Variants in RTN1 observed in about 807,000 individuals in gnomAD.
RTN1 encodes the protein reticulon 1, also known as reticulon-1.
In RTN1, 25 loss-of-function variants were observed where a neutral mutation model predicts 65.5. The observed-to-expected ratio is 0.38, with a 90% CI of 0.28 to 0.53. The LOEUF is 0.53. Ranked by LOEUF, RTN1 falls within the 20% of genes least tolerant of loss-of-function variation. RTN1 has a pLI of 0.79. For synonymous variants in RTN1, 471 were observed against 447.6 expected (o/e 1.05, Z -0.66); for missense variants, 983 against 1,025.4 (o/e 0.96, Z 0.57).
chr14:59,651,091 A>C (rs1172577759), intron 3 of RTN1, among the ~76,000 whole-genome samples: 2 of 152,184 alleles, frequency 1.3e-5, no homozygotes, highest in African/African-American at 4.8e-5. Flanking sequence ...AATCACAAGC[A>C]AAAAGGACAA....
chr14:59,621,171 T>C (rs149791731), intron 3 of RTN1, among the ~76,000 whole-genome samples: 31 of 152,340 alleles, frequency 2.0e-4, no homozygotes, highest in Non-Finnish European at 3.7e-4. Context: ...TGAATAAAGT[T>C]TCCTTAGAAC....
At chr14:59,795,139 G>A (rs1886417101) in intron 1 of RTN1, among the ~76,000 whole-genome samples, 1 of 152,102 alleles carries the variant, frequency 6.6e-6, no homozygotes, top group Non-Finnish European at 1.5e-5. Context: ...ACCAGCTGAA[G>A]TTCAAACTCT....
In RTN1 at chr14:59,749,146, C is replaced by A. The variant is rs556368834; in HGVS notation, c.242-2665G>T. On this transcript the variant is annotated intron_variant, in intron 1 of 8. Transcript: ENST00000267484. ...TATAGATATATCTATATCTATCTATCTATCTATCTATATCTATCTATATAT... is the reference window on the plus strand; with the variant it reads ...TATAGATATATCTATATCTATCTATATATCTATCTATATCTATCTATATAT... Among the ~76,000 whole-genome samples the A allele has an allele frequency of 6.4e-5, 7 of 108,812 alleles. 1 individual carries two copies. The highest frequency in any genetic ancestry group is 2.2e-4 in the Admixed American group (2 of 9,280). 71.4% of individuals were successfully genotyped at this position (108,812 alleles called of 152,430 possible).
rs1383724598 is a variant in RTN1 at position 59,596,636 on chromosome 14, G to T, written c.*109C>A. ...TTTAAGGTTTGTCTCTAAGATTATG[G>T]TACTGGAGGGAGGGGGGAAAGACAA... On this transcript the variant is annotated 3_prime_UTR_variant, in exon 9 of 9. Transcript: ENST00000267484. The T allele has an allele frequency of 5.9e-6, 5 of 853,884 alleles. No individual in the cohort carries two copies. The South Asian group carries it at 6.8e-5, about 12-fold the overall frequency. 52.9% of individuals were successfully genotyped at this position (853,884 alleles called of 1,614,324 possible).
Position 59,815,410 on chromosome 14 carries a change from C to T in RTN1, c.241+54980G>A, listed in dbSNP as rs544609349. On this transcript the variant is annotated intron_variant, in intron 1 of 8. Coordinates refer to ENST00000267484, the MANE Select transcript of RTN1 (RefSeq NM_021136.3). The stretch of plus-strand genomic sequence containing the variant: ...TCACTTCACTGCTCATCCCCTTTCC[C>T]TCTCATGCTTAAATCTCTCCCAGAC... 2.0e-5 allele frequency among the ~76,000 whole-genome samples: 3 copies of T among 152,268 alleles called. No individual in the cohort carries two copies. In the East Asian group the frequency reaches 5.8e-4, roughly 29 times the overall value.
chr14:59,853,623 G>A (rs1375173775), intron 1 of RTN1, among the ~76,000 whole-genome samples: 3 of 152,146 alleles, frequency 2.0e-5, no homozygotes, highest in Non-Finnish European at 4.4e-5. Flanking sequence ...GTTGAAACAA[G>A]TATTCCCAGC....
chr14:59,657,073 C>T (rs1424583273), intron 3 of RTN1, among the ~76,000 whole-genome samples: 1 of 151,930 alleles, frequency 6.6e-6, no homozygotes, highest in Non-Finnish European at 1.5e-5. Flanking sequence ...CCACAAATAG[C>T]TGGAAAAAGG....
At chr14:59,823,600 C>T (rs1886981007) in intron 1 of RTN1, among the ~76,000 whole-genome samples, 1 of 152,156 alleles carries the variant, frequency 6.6e-6, no homozygotes, top group Admixed American at 6.5e-5. Flanking sequence ...ATATAGGCCC[C>T]CCATCTCTTC....
At chr14:59,735,995 G>T (rs948893767) in intron 2 of RTN1, among the ~76,000 whole-genome samples, 1 of 152,146 alleles carries the variant, frequency 6.6e-6, no homozygotes, top group African/African-American at 2.4e-5. Flanking sequence ...AAACTAATGA[G>T]AGCAAAGAGA....
At chr14:59,598,958 C>T (rs1036717993) in intron 8 of RTN1, among the ~76,000 whole-genome samples, 5 of 152,192 alleles carry the variant, frequency 3.3e-5, no homozygotes, top group African/African-American at 1.2e-4. Flanking sequence ...TGTATTAATG[C>T]ATCTGTTAAA....
chr14:59,785,573 T>C (rs993757421), intron 1 of RTN1, among the ~76,000 whole-genome samples: 7 of 152,224 alleles, frequency 4.6e-5, no homozygotes, highest in African/African-American at 1.7e-4. Context: ...GGCTTGCATA[T>C]CAAATGGCAA....
chr14:59,636,609 A>G (rs1213412187), intron 3 of RTN1, among the ~76,000 whole-genome samples: 2 of 152,224 alleles, frequency 1.3e-5, no homozygotes, highest in Non-Finnish European at 2.9e-5. Context: ...ACCTTGCTAA[A>G]TTTACTTATT....
At chr14:59,761,317 G>A (rs1209244084) in intron 1 of RTN1, among the ~76,000 whole-genome samples, 2 of 152,136 alleles carry the variant, frequency 1.3e-5, no homozygotes, top group Non-Finnish European at 2.9e-5. Context: ...ATTAAATCAT[G>A]GGGGCGGTTT....
rs759594760 is a variant in RTN1 at position 59,846,310 on chromosome 14, C to G, written c.241+24080G>C. The stretch of plus-strand genomic sequence containing the variant: ...GTCCCTCCTCCTTGCTCACCTACAG[C>G]AGACATCACTCATTAATCCCGGCAT... On this transcript the variant is annotated intron_variant, in intron 1 of 8. Coordinates refer to ENST00000267484, the MANE Select transcript of RTN1 (RefSeq NM_021136.3). The surrounding 1 kb of genome is among the most constrained non-coding windows in gnomAD (Gnocchi z 4.8). 6.6e-6 allele frequency among the ~76,000 whole-genome samples: 1 copy of G among 152,164 alleles called. No homozygotes were observed. Among genetic ancestry groups the G allele is most frequent in the Non-Finnish European group, 1.5e-5 (1 of 68,024 alleles).
At chr14:59,681,996 T>C (rs1345943205) in intron 3 of RTN1, among the ~76,000 whole-genome samples, 1 of 152,214 alleles carries the variant, frequency 6.6e-6, no homozygotes, top group East Asian at 1.9e-4. Context: ...GTCCTTCTCA[T>C]GGAGAAATCT....
intron 1 of RTN1, among the ~76,000 whole-genome samples, chr14:59,755,003 G>A (rs753343655): frequency 6.6e-6 from 1 of 152,122 alleles, no homozygotes; most frequent in Non-Finnish European, 1.5e-5. Flanking sequence ...CAAAACTACA[G>A]GCAGAAAAGG....
At chr14:59,781,935 A>G (rs949672326) in intron 1 of RTN1, among the ~76,000 whole-genome samples, 8 of 152,182 alleles carry the variant, frequency 5.3e-5, no homozygotes, top group East Asian at 1.9e-4. Context: ...TGTGTCCCCA[A>G]TGGTCATATG....
chr14:59,611,928 T>A (rs991234374), intron 3 of RTN1, among the ~76,000 whole-genome samples: 1 of 152,120 alleles, frequency 6.6e-6, no homozygotes, highest in African/African-American at 2.4e-5. Flanking sequence ...CCTTATCTGG[T>A]CACATTCCAT....
At chr14:59,613,409 T>C (rs1046056323) in intron 3 of RTN1, among the ~76,000 whole-genome samples, 10 of 152,092 alleles carry the variant, frequency 6.6e-5, no homozygotes, top group Non-Finnish European at 1.2e-4. Context: ...AGTGATTCTC[T>C]TGCCTCAGCC....
Sources: allele counts gnomAD v4.1 joint callset (sites outside exome capture counted in the v4.1 genomes callset), GRCh38; gene constraint gnomAD v4.1.1; non-coding constraint Gnocchi (gnomAD v3.1); transcripts MANE v1.5; gene names NCBI Gene and HGNC (gene_info 2026-07-23, HGNC 2026-07-21).